Variants in AHCYL2 observed in about 807,000 individuals in gnomAD.
AHCYL2 encodes the protein S-adenosylhomocysteine hydrolase-like protein 2.
In AHCYL2, 28 loss-of-function variants were observed where a neutral mutation model predicts 81.4. The observed-to-expected ratio is 0.34, with a 90% CI of 0.25 to 0.47. The LOEUF (loss-of-function observed/expected upper bound fraction) is 0.47. Among genes scored for constraint, AHCYL2 ranks in the 20% least tolerant of loss-of-function variants. AHCYL2 has a pLI of 1.00. For missense variants in AHCYL2, 551 were observed against 785.1 expected (o/e 0.70, Z 3.56); for synonymous variants, 272 against 290.2 (o/e 0.94, Z 0.64).
At chr7:129,390,330 C>A (rs1190089162) in intron 4 of AHCYL2, among the ~76,000 whole-genome samples, 1 of 152,130 alleles carries the variant, frequency 6.6e-6, no homozygotes, top group Non-Finnish European at 1.5e-5. Context: ...AGATTATATG[C>A]AAACACTGCA....
intron 1 of AHCYL2, among the ~76,000 whole-genome samples, chr7:129,313,878 T>C (rs1797746881): frequency 6.6e-6 from 1 of 152,222 alleles, no homozygotes; most frequent in South Asian, 2.1e-4. Context: ...TGTGAAATGA[T>C]GGTGAGTCTT....
rs1338622969 is a variant in AHCYL2 at position 129,428,392 on chromosome 7, A to G, written c.*1347A>G. 6.6e-6 allele frequency: 1 copy of G among 152,172 alleles called. No individual in the cohort carries two copies. The allele number at this position is 152,172 out of a possible 1,614,324, so 9.4% of individuals were successfully genotyped here. On this transcript the variant is annotated 3_prime_UTR_variant, in exon 17 of 17. Transcript: ENST00000325006. ...CGTGACATTTTATGTCCCACCCAAA[A>G]ATTGGATTCCTTTTGGAGACTGATC... is the stretch of plus-strand genomic sequence containing the variant.
At chr7:129,422,728 C>A in intron 12 of AHCYL2, 112 bp from the exon 13 acceptor site, 1 of 812,000 alleles carries the variant, frequency 1.2e-6, no homozygotes, top group Non-Finnish European at 2.1e-6. Flanking sequence ...CTCCATCTGG[C>A]ATGTTGGTTG....
intron 1 of AHCYL2, among the ~76,000 whole-genome samples, chr7:129,294,651 C>T (rs531996744): frequency 6.6e-6 from 1 of 152,290 alleles, no homozygotes; most frequent in South Asian, 2.1e-4. Flanking sequence ...TCCACCACAA[C>T]ACTGTAGCTG....
intron 1 of AHCYL2, among the ~76,000 whole-genome samples, chr7:129,302,805 G>A (rs556638564): frequency 6.6e-6 from 1 of 152,208 alleles, no homozygotes; most frequent in East Asian, 1.9e-4. Flanking sequence ...ATCAGAGCCT[G>A]TAGTTTTCTT....
At chr7:129,225,591 GC>G in intron 1 of AHCYL2, 152 bp downstream of exon 1, 6 of 1,339,410 alleles carry the variant, frequency 4.5e-6, no homozygotes, top group Non-Finnish European at 5.7e-6. Context: ...TCTCAGAGAT[GC>G]CCCCCAGCCG....
intron 1 of AHCYL2, among the ~76,000 whole-genome samples, chr7:129,331,871 AT>A (rs1798439447): frequency 6.6e-6 from 1 of 150,444 alleles, no homozygotes; most frequent in African/African-American, 2.4e-5. Flanking sequence ...ATTAAAAAAT[AT>A]ATATATATAT....
rs1376027382 is a variant in AHCYL2 at position 129,322,442 on chromosome 7, G to T, written c.364-57196G>T. ...GGCGCACTGCGCCCAGCCAGGTAAGGTTTTATAAACCACAAATTTAATATC... is the reference window on the plus strand; with the variant it reads ...GGCGCACTGCGCCCAGCCAGGTAAGTTTTTATAAACCACAAATTTAATATC... On this transcript the variant is annotated intron_variant, in intron 1 of 16. Coordinates refer to ENST00000325006, the MANE Select transcript of AHCYL2 (RefSeq NM_015328.4). 2.0e-5 allele frequency among the ~76,000 whole-genome samples: 3 copies of T among 152,082 alleles called. No individual in the cohort carries two copies. In the East Asian group the frequency reaches 5.8e-4, roughly 29 times the overall value.
chr7:129,260,787 G>A (rs1795602648), intron 1 of AHCYL2, among the ~76,000 whole-genome samples: 1 of 151,928 alleles, frequency 6.6e-6, no homozygotes, highest in African/African-American at 2.4e-5. Context: ...TGTTAAAATT[G>A]GTTTCAATTT....
chr7:129,417,282 G>C (rs927427184), intron 12 of AHCYL2, among the ~76,000 whole-genome samples: 2 of 152,210 alleles, frequency 1.3e-5, no homozygotes, highest in African/African-American at 2.4e-5. Flanking sequence ...GAACAACAAG[G>C]AGGCCAGTGT....
At chr7:129,233,152 C>T (rs1262674255) in intron 1 of AHCYL2, among the ~76,000 whole-genome samples, 1 of 152,154 alleles carries the variant, frequency 6.6e-6, no homozygotes, top group Non-Finnish European at 1.5e-5. Context: ...CACTTTCCAG[C>T]TCACTGCGAA....
At chr7:129,270,418 T>C (rs1795968561) in intron 1 of AHCYL2, among the ~76,000 whole-genome samples, 1 of 152,222 alleles carries the variant, frequency 6.6e-6, no homozygotes, top group South Asian at 2.1e-4. Flanking sequence ...TTTTTCACTT[T>C]TTTCTTTGAG....
chr7:129,297,538 C>T (rs1797096089), intron 1 of AHCYL2, among the ~76,000 whole-genome samples: 1 of 152,186 alleles, frequency 6.6e-6, no homozygotes, highest in South Asian at 2.1e-4. Context: ...CTCCTATAGA[C>T]TGCTAGAAAT....
At chr7:129,302,174 G>A (rs536186685) in intron 1 of AHCYL2, among the ~76,000 whole-genome samples, 66 of 151,930 alleles carry the variant, frequency 4.3e-4, no homozygotes, top group Non-Finnish European at 8.8e-4. Flanking sequence ...TTTCTTTTTC[G>A]GATTACTTGC....
chr7:129,314,513 A>G (rs1797767657), intron 1 of AHCYL2, among the ~76,000 whole-genome samples: 1 of 152,184 alleles, frequency 6.6e-6, no homozygotes, highest in Non-Finnish European at 1.5e-5. Flanking sequence ...AGGCACCAAT[A>G]GATTCAGTTT....
chr7:129,270,985 A>T (rs749852320), intron 1 of AHCYL2, among the ~76,000 whole-genome samples: 4 of 152,186 alleles, frequency 2.6e-5, no homozygotes, highest in Non-Finnish European at 5.9e-5. Flanking sequence ...CTACGGCATC[A>T]GGCTGAAGCA....
chr7:129,290,358 G>A (rs901635419), intron 1 of AHCYL2, among the ~76,000 whole-genome samples: 4 of 151,908 alleles, frequency 2.6e-5, no homozygotes, highest in South Asian at 2.1e-4. Flanking sequence ...AAAATTAGCC[G>A]GGAGTGGTGG....
At chr7:129,255,229 C>G (rs931694695) in intron 1 of AHCYL2, among the ~76,000 whole-genome samples, 3 of 151,988 alleles carry the variant, frequency 2.0e-5, no homozygotes, top group Non-Finnish European at 4.4e-5. Flanking sequence ...CCATTGCACT[C>G]CAGCCTGGGT....
intron 1 of AHCYL2, among the ~76,000 whole-genome samples, chr7:129,345,932 C>T (rs1421472815): frequency 3.9e-5 from 6 of 151,940 alleles, no homozygotes; most frequent in African/African-American, 1.5e-4. Context: ...GTTTGAGGAA[C>T]CTGTGGGATG....
Sources: gnomAD v4.1 joint callset for allele counts (sites outside exome capture counted in the v4.1 genomes callset) on GRCh38, gnomAD v4.1.1 for gene constraint, MANE v1.5 for transcripts, NCBI Gene and HGNC (gene_info 2026-07-23, HGNC 2026-07-21) for gene names.